The following LRRC49 variants were observed in gnomAD, a reference collection of about 807,000 sequenced individuals.
The protein encoded by LRRC49 is leucine rich repeat containing 49, also known as leucine-rich repeat-containing protein 49.
LRRC49 carries 50 observed loss-of-function variants against 83.3 expected under a neutral mutation model. That is an observed-to-expected ratio of 0.60 (90% CI 0.48 to 0.76). LRRC49 has a LOEUF of 0.76. Ranked by LOEUF, LRRC49 falls within the 30% of genes least tolerant of loss-of-function variation. The pLI is 0.00. For missense variants in LRRC49, 704 were observed against 809.1 expected (o/e 0.87, Z 1.58); for synonymous variants, 286 against 283.3 (o/e 1.01, Z -0.10).
At chr15:70,992,072 A>G (rs1218241139) in intron 11 of LRRC49, among the ~76,000 whole-genome samples, 1 of 152,214 alleles carries the variant, frequency 6.6e-6, no homozygotes, top group African/African-American at 2.4e-5. Flanking sequence ...AAATTCAATC[A>G]CTGATACCCT....
chr15:70,990,979 A>C (rs1159660890), intron 11 of LRRC49, among the ~76,000 whole-genome samples: 1 of 152,166 alleles, frequency 6.6e-6, no homozygotes, highest in East Asian at 1.9e-4. Flanking sequence ...CCCCATTAGA[A>C]TGTAAGCTTC....
chr15:70,877,401 C>T (rs1595975095), intron 2 of LRRC49, among the ~76,000 whole-genome samples: 1 of 152,238 alleles, frequency 6.6e-6, no homozygotes, highest in South Asian at 2.1e-4. Flanking sequence ...CTTTCTGTCA[C>T]TATAGATTTT....
In LRRC49 at chr15:70,909,710, G is replaced by A. The variant is rs915591766; in HGVS notation, c.501-1822G>A. ...AACAATTAGCAGGGTGTAGTGGCTC[G>A]CACCTGTGGTCCCAGCTACTCGAGA... On this transcript the variant is annotated intron_variant, in intron 5 of 15. Transcript: ENST00000260382. Among the ~76,000 whole-genome samples the A allele has an allele frequency of 3.9e-5, 6 of 152,000 alleles. No homozygotes were observed. In the South Asian group the frequency reaches 6.2e-4, roughly 16 times the overall value.
intron 1 of LRRC49, chr15:70,853,804 T>C: frequency 4.9e-6 from 5 of 1,011,220 alleles, no homozygotes; most frequent in Non-Finnish European, 6.3e-6. Context: ...GCCCGAGGAG[T>C]TGTCGCGCGC....
At chr15:71,015,846 G>T (rs935099122) in intron 14 of LRRC49, among the ~76,000 whole-genome samples, 1 of 152,128 alleles carries the variant, frequency 6.6e-6, no homozygotes, top group Non-Finnish European at 1.5e-5. Flanking sequence ...TATGTGCAAG[G>T]ATTTTCCTTG....
chr15:70,966,388 C>T lies in LRRC49; in HGVS notation c.921+2456C>T, dbSNP rs530801544. 1.4e-4 allele frequency among the ~76,000 whole-genome samples: 22 copies of T among 152,100 alleles called. No individual in the cohort carries two copies. The South Asian group carries it at 4.6e-3, about 32-fold the overall frequency. On this transcript the variant is annotated intron_variant, in intron 9 of 15. Coordinates refer to ENST00000260382, the MANE Select transcript of LRRC49 (RefSeq NM_017691.5). ...CAAATAGTTTACCATTTCAACATGA[C>T]CTCACACTATATTTGTTTCAATCAC... is the stretch of plus-strand genomic sequence containing the variant.
In LRRC49 at chr15:70,870,471, A is replaced by G. The variant is rs2033002446; in HGVS notation, c.-298-2437A>G. Among the ~76,000 whole-genome samples the G allele has an allele frequency of 3.9e-5, 6 of 152,186 alleles. No homozygotes were observed. The South Asian group carries it at 1.2e-3, about 32-fold the overall frequency. On this transcript the variant is annotated intron_variant, in intron 1 of 16. Coordinates refer to the LRRC49 transcript ENST00000544974. Reference sequence around the variant, plus strand: ...CAAGACAGGACCATTTGGTATAAGCAGTAGGTAATTGTTTTTGTTTTGTTT... The same window carrying G: ...CAAGACAGGACCATTTGGTATAAGCGGTAGGTAATTGTTTTTGTTTTGTTT...
At chr15:70,865,237 C>T (rs1481238868) in intron 1 of LRRC49, among the ~76,000 whole-genome samples, 6 of 152,114 alleles carry the variant, frequency 3.9e-5, no homozygotes, top group East Asian at 3.9e-4. Context: ...GTATTAGTTT[C>T]GTAAATACAG....
At chr15:71,003,762 T>C (rs2038350830) in intron 11 of LRRC49, among the ~76,000 whole-genome samples, 1 of 152,228 alleles carries the variant, frequency 6.6e-6, no homozygotes, top group Non-Finnish European at 1.5e-5. Flanking sequence ...AAGAATTGAA[T>C]AACTTGCCCC....
At chr15:70,909,243 T>G (rs146568392) in intron 5 of LRRC49, among the ~76,000 whole-genome samples, 1 of 152,326 alleles carries the variant, frequency 6.6e-6, no homozygotes, top group East Asian at 1.9e-4. Context: ...GCCAGCATTT[T>G]AATTAATTCA....
chr15:70,873,360 T>C, intron 2 of LRRC49: 1 of 998,024 alleles, frequency 1.0e-6, no homozygotes. Flanking sequence ...AGGGTCATGG[T>C]GAGGAGGGAA....
intron 2 of LRRC49, among the ~76,000 whole-genome samples, chr15:70,885,999 T>C (rs1000247061): frequency 2.0e-5 from 3 of 152,148 alleles, no homozygotes. Flanking sequence ...AGTAGTGTAA[T>C]TGACCTAGAA....
chr15:70,943,762 G>C (rs1406253916), intron 8 of LRRC49, among the ~76,000 whole-genome samples: 1 of 152,164 alleles, frequency 6.6e-6, no homozygotes, highest in Non-Finnish European at 1.5e-5. Context: ...ATTATCAGTA[G>C]ATCTTATTGG....
At chr15:71,040,278 A>C (rs533890845) in intron 15 of LRRC49, among the ~76,000 whole-genome samples, 2 of 152,206 alleles carry the variant, frequency 1.3e-5, no homozygotes, top group Non-Finnish European at 2.9e-5. Context: ...TGGAAACATT[A>C]GCATTAGTAG....
chr15:70,944,171 G>A (rs1474113248), intron 8 of LRRC49, among the ~76,000 whole-genome samples: 1 of 152,090 alleles, frequency 6.6e-6, no homozygotes, highest in Non-Finnish European at 1.5e-5. Context: ...TCTTAGTCTT[G>A]AAGCTTATAT....
intron 1 of LRRC49, among the ~76,000 whole-genome samples, chr15:70,869,104 G>A (rs1235030012): frequency 1.3e-5 from 2 of 151,828 alleles, no homozygotes; most frequent in Non-Finnish European, 2.9e-5. Flanking sequence ...AAAGTAATTG[G>A]AAAAAAAATT....
chr15:70,971,968 T>A (rs2037021496), intron 9 of LRRC49, among the ~76,000 whole-genome samples: 1 of 152,174 alleles, frequency 6.6e-6, no homozygotes, highest in Non-Finnish European at 1.5e-5. Context: ...AACTGGGGCA[T>A]TTAGCCCATT....
At chr15:70,900,605 G>C (rs2034030922) in intron 3 of LRRC49, 2 of 462,272 alleles carry the variant, frequency 4.3e-6, no homozygotes, top group Non-Finnish European at 8.7e-6. Context: ...TATCATTTTA[G>C]TTATAGACAG....
chr15:70,982,033 A>G (rs1474129628), intron 10 of LRRC49, among the ~76,000 whole-genome samples: 1 of 151,870 alleles, frequency 6.6e-6, no homozygotes, highest in African/African-American at 2.4e-5. Flanking sequence ...CCCCAGTAAA[A>G]TTAATCATTC....
Sources: allele counts gnomAD v4.1 joint callset (sites outside exome capture counted in the v4.1 genomes callset), GRCh38; gene constraint gnomAD v4.1.1; transcripts MANE v1.5; gene names NCBI Gene and HGNC (gene_info 2026-07-23, HGNC 2026-07-21).